CATSPERE: variants seen among roughly 807,000 people sequenced by gnomAD.
The protein encoded by CATSPERE is catsper channel auxiliary subunit epsilon, also known as cation channel sperm-associated auxiliary subunit epsilon.
Under a neutral mutation model 114.1 loss-of-function variants are expected in CATSPERE, and 93 were observed. The ratio of observed to expected loss-of-function variants is 0.81; its 90% CI spans 0.69 to 0.97. CATSPERE has a LOEUF of 0.97. Among genes scored for constraint, CATSPERE ranks in the 50% least tolerant of loss-of-function variants. The pLI is 0.00. For missense variants in CATSPERE, 1,058 were observed against 1,131.6 expected, an observed-to-expected ratio of 0.93 and a Z score of 0.93; for synonymous variants, 341 against 384.1, an observed-to-expected ratio of 0.89 and a Z score of 1.31.
chr1:244,617,553 G>T lies in CATSPERE; in HGVS notation c.2515G>T (p.Ala839Ser), dbSNP rs1223057701. ...GAACTATAAACACTGTTTTTCTTAT[G>T]CTATTGGAAAACCAGGAGACTTAAA... ...PENYKHCFSY[A>S]IGKPGDLNQP... Residue 839 changes from alanine to serine, a missense_variant, in exon 20 of 22, where the codon GCT becomes TCT. Transcript: ENST00000366534. 3 of 1,522,188 alleles carry T rather than the reference G, an allele frequency of 2.0e-6. No homozygotes were observed. The highest frequency in any genetic ancestry group is 1.3e-5 in the South Asian group (1 of 77,834). The allele number at this position is 1,522,188 out of a possible 1,614,324, so 94.3% of individuals were successfully genotyped here. A position where few individuals can be genotyped will look rare whatever the true frequency, so the allele number is the denominator to read the frequency against.
chr1:244,552,507 C>G lies in CATSPERE; in HGVS notation c.722C>G (p.Ala241Gly). Residue 241 changes from alanine (A) to glycine (G), a missense_variant, in exon 9 of 22, where the codon GCT becomes GGT. Around this residue, in one of 2 missense-constraint regions of CATSPERE, gnomAD observed 787 missense variants for 905.6 expected, o/e 0.87. Coordinates refer to ENST00000366534, the MANE Select transcript of CATSPERE (RefSeq NM_001130957.2). ...ISSPRGSQLMASWDACVVASA... is the reference protein window; with the variant it reads ...ISSPRGSQLMGSWDACVVASA... ...TCACCACGTGGTAGTCAATTAATGG[C>G]TTCCTGGGATGCTTGTGTAGTTGCA... 6.2e-7 allele frequency: 1 copy of G among 1,614,144 alleles called. No individual in the cohort carries two copies. Among genetic ancestry groups the G allele is most frequent in the Non-Finnish European group, 8.5e-7 (1 of 1,180,020 alleles).
intron 19 of CATSPERE, 65 bp downstream of exon 19, chr1:244,610,391 C>A: frequency 1.7e-6 from 2 of 1,176,262 alleles, no homozygotes; most frequent in Non-Finnish European, 2.5e-6. Flanking sequence ...TTGCTATTAA[C>A]AAAAACTTGA....
chr1:244,509,546 T>C (rs1008784763), intron 7 of CATSPERE, among the ~76,000 whole-genome samples: 5 of 152,304 alleles, frequency 3.3e-5, no homozygotes, highest in Admixed American at 6.5e-5. Flanking sequence ...GTTGTTGTTG[T>C]TGTGTCCTTG....
At position 244,625,432 on chromosome 1, in the gene CATSPERE, A is replaced by ATTTGTTTTTTTTTT; in HGVS notation, c.2648+7749_2648+7750insGTTTTTTTTTTTTT. Among the ~76,000 whole-genome samples, 19 of 3,986 alleles carry ATTTGTTTTTTTTTT rather than the reference A, an allele frequency of 4.8e-3. 4 individuals are homozygous for ATTTGTTTTTTTTTT. Among genetic ancestry groups the ATTTGTTTTTTTTTT allele is most frequent in the African/African-American group, 0.013 (19 of 1,434 alleles). 2.6% of individuals were successfully genotyped at this position (3,986 alleles called of 152,430 possible). A position where few individuals can be genotyped will look rare whatever the true frequency, so the allele number is the denominator to read the frequency against. On this transcript the variant is annotated intron_variant, in intron 20 of 21. Coordinates refer to ENST00000366534, the MANE Select transcript of CATSPERE (RefSeq NM_001130957.2). ...TATATATATATATATATATATATAT[A>ATTTGTTTTTTTTTT]TTTTTTTTTTTTTTTGAGATGGAGT...
At chr1:244,537,297 T>TC (rs1393067622) in intron 8 of CATSPERE, among the ~76,000 whole-genome samples, 1 of 152,220 alleles carries the variant, frequency 6.6e-6, no homozygotes, top group Non-Finnish European at 1.5e-5. Context: ...TTTTTCTTCT[T>TC]TAGCCTGTTA....
chr1:244,595,462 GTCTT>G (rs1184737714), intron 17 of CATSPERE, among the ~76,000 whole-genome samples: 8 of 152,222 alleles, frequency 5.3e-5, no homozygotes, highest in African/African-American at 1.7e-4. Context: ...TGCTGGGTAA[GTCTT>G]TCAAGTAAAA....
chr1:244,589,305 C>G (rs1667419808), intron 14 of CATSPERE, among the ~76,000 whole-genome samples: 2 of 152,130 alleles, frequency 1.3e-5, no homozygotes, highest in South Asian at 4.1e-4. Context: ...CAAATATCTA[C>G]TCCTCTGTCA....
At chr1:244,587,746 C>T (rs976510869) in intron 13 of CATSPERE, among the ~76,000 whole-genome samples, 2 of 152,162 alleles carry the variant, frequency 1.3e-5, no homozygotes, top group Admixed American at 6.5e-5. Context: ...TGCTATTTCA[C>T]GTGATGCTCA....
chr1:244,490,263 C>T (rs911178259), intron 5 of CATSPERE, among the ~76,000 whole-genome samples, 184 bp from the exon 6 acceptor site: 3 of 152,076 alleles, frequency 2.0e-5, no homozygotes, highest in East Asian at 1.9e-4. Context: ...GAATCAGTAA[C>T]GATATTGATA....
At chr1:244,584,066 G>A in intron 13 of CATSPERE, 127 bp downstream of exon 13, 2 of 609,868 alleles carry the variant, frequency 3.3e-6, no homozygotes, top group Non-Finnish European at 5.7e-6. Context: ...CCTCCATAGA[G>A]TACCATCCTC....
intron 11 of CATSPERE, among the ~76,000 whole-genome samples, chr1:244,579,443 G>A (rs755391974): frequency 5.9e-5 from 9 of 151,946 alleles, no homozygotes; most frequent in Admixed American, 2.0e-4. Context: ...TTATGTACTC[G>A]TGAAACACCT....
intron 6 of CATSPERE, among the ~76,000 whole-genome samples, chr1:244,496,236 A>G (rs922123175): frequency 6.6e-6 from 1 of 152,264 alleles, no homozygotes; most frequent in African/African-American, 2.4e-5. Flanking sequence ...AAGAAATCAC[A>G]TGATAAAATT....
At position 244,568,332 on chromosome 1, in the gene CATSPERE, T is replaced by C. The variant is rs1335730661; in HGVS notation, c.1508-3998T>C. ...GGAGACACAGGGGTCAGGGACCCAC[T>C]TGAGGAAGCCGTCTGTCCCTTAGCA... On this transcript the variant is annotated intron_variant, in intron 10 of 21. Coordinates refer to ENST00000366534, the MANE Select transcript of CATSPERE (RefSeq NM_001130957.2). This position sits in a 1 kb window ranked among gnomAD's most constrained non-coding sequence, Gnocchi z 4.4. Among the ~76,000 whole-genome samples the C allele has an allele frequency of 3.9e-5, 6 of 152,202 alleles. No homozygotes were observed. The highest frequency in any genetic ancestry group is 8.8e-5 in the Non-Finnish European group (6 of 68,024).
intron 10 of CATSPERE, among the ~76,000 whole-genome samples, chr1:244,570,612 CT>C (rs1664291608): frequency 6.6e-6 from 1 of 152,140 alleles, no homozygotes; most frequent in Non-Finnish European, 1.5e-5. Context: ...TTAAATCATT[CT>C]TAATTCTCAT....
At chr1:244,457,655 G>A (rs1216025408), upstream of CATSPERE, 1 of 152,060 alleles carries the variant, frequency 6.6e-6, no homozygotes, top group Non-Finnish European at 1.5e-5. Context: ...ATGACTTATG[G>A]TGACCTGGGA....
chr1:244,557,531 T>TAATATATATA (rs1661769799), intron 9 of CATSPERE, among the ~76,000 whole-genome samples: 1 of 28,852 alleles, frequency 3.5e-5, no homozygotes, highest in African/African-American at 7.6e-5. Context: ...TTTGAAATAT[T>TAATATATATA]CATATATATA....
intron 10 of CATSPERE, among the ~76,000 whole-genome samples, chr1:244,565,329 G>T (rs929098827): frequency 1.3e-5 from 2 of 152,174 alleles, no homozygotes; most frequent in Admixed American, 6.5e-5. Context: ...AATGGTACCA[G>T]CTCCTCTTTG....
chr1:244,630,749 A>C (rs991011690), intron 20 of CATSPERE, among the ~76,000 whole-genome samples: 1 of 152,168 alleles, frequency 6.6e-6, no homozygotes, highest in African/African-American at 2.4e-5. Context: ...TGAAAGGAGT[A>C]TCTTATGGGT....
chr1:244,502,926 C>T (rs1674289382), intron 7 of CATSPERE, among the ~76,000 whole-genome samples: 1 of 152,104 alleles, frequency 6.6e-6, no homozygotes. Context: ...CAGAGGTTTC[C>T]CCCTGGCTTG....
Sources: allele counts gnomAD v4.1 joint callset (sites outside exome capture counted in the v4.1 genomes callset), GRCh38; gene constraint gnomAD v4.1.1; regional missense constraint gnomAD v4.1.1; non-coding constraint Gnocchi (gnomAD v3.1); transcripts MANE v1.5; gene names NCBI Gene and HGNC (gene_info 2026-07-23, HGNC 2026-07-21).